Variants in PDE12 observed in about 807,000 individuals in gnomAD.
The protein encoded by PDE12 is phosphodiesterase 12, also known as 2',5'-phosphodiesterase 12.
In PDE12, 26 loss-of-function variants were observed where a neutral mutation model predicts 45.4. That is an observed-to-expected ratio of 0.57 (90% CI 0.42 to 0.79). PDE12 has a LOEUF of 0.79. PDE12 is among the 30% of genes least tolerant of loss of function. The pLI is 0.00. For missense variants in PDE12, 668 were observed against 790.0 expected (o/e 0.85, Z 1.85); for synonymous variants, 283 against 323.9 (o/e 0.87, Z 1.36).
chr3:57,584,540 G>T, the PDE12 span: 2 of 1,295,860 alleles, frequency 1.5e-6, no homozygotes, highest in Non-Finnish European at 2.2e-6. Context: ...TAAATTTATA[G>T]TTCAAAACTA....
At chr3:57,631,492 C>T in the PDE12 span, among the ~76,000 whole-genome samples, 6 of 152,062 alleles carry the variant, frequency 3.9e-5, no homozygotes, top group Non-Finnish European at 8.8e-5. Context: ...CCGCGCCCAA[C>T]AACGCGGTCC....
At chr3:57,619,212 G>A in the PDE12 span, among the ~76,000 whole-genome samples, 1 of 152,172 alleles carries the variant, frequency 6.6e-6, no homozygotes, top group Non-Finnish European at 1.5e-5. Flanking sequence ...GCCGGGTGTG[G>A]TGGCGGGTGC....
chr3:57,624,285 C>T, the PDE12 span, among the ~76,000 whole-genome samples: 127 of 152,016 alleles, frequency 8.4e-4, 1 homozygote, highest in South Asian at 0.025. Flanking sequence ...CCAGTAGCTA[C>T]GAATACAGGC....
the PDE12 span, among the ~76,000 whole-genome samples, chr3:57,636,653 T>C: frequency 6.6e-6 from 1 of 152,104 alleles, no homozygotes; most frequent in East Asian, 1.9e-4. Context: ...AGATAAAAAG[T>C]TGGCCGGGCG....
At chr3:57,613,429 G>A in the PDE12 span, among the ~76,000 whole-genome samples, 119 of 151,460 alleles carry the variant, frequency 7.9e-4, 1 homozygote, top group African/African-American at 2.4e-3. Flanking sequence ...AAGTAGCTGC[G>A]ATTACAAGCG....
chr3:57,561,360 T>TA lies in PDE12; in HGVS notation c.*1362dup. On this transcript the variant is annotated 3_prime_UTR_variant, in exon 3 of 3. Transcript: ENST00000311180. Reference sequence around the variant, plus strand: ...GTGGGACTTTTAAGCATCTCTGAAATAAAAAACTTCTTTTTACAGACAAGC... The same window carrying TA: ...GTGGGACTTTTAAGCATCTCTGAAATAAAAAAACTTCTTTTTACAGACAAGC... 2.0e-6 allele frequency: 2 copies of TA among 984,886 alleles called. No homozygotes were observed. The highest frequency in any genetic ancestry group is 2.4e-6 in the Non-Finnish European group (2 of 829,128). The allele number at this position is 984,886 out of a possible 1,614,324, so 61.0% of individuals were successfully genotyped here. A position where few individuals can be genotyped will look rare whatever the true frequency, so the allele number is the denominator to read the frequency against.
At chr3:57,628,982 G>C in the PDE12 span, 1 of 1,063,328 alleles carries the variant, frequency 9.4e-7, no homozygotes, top group Non-Finnish European at 1.4e-6. Context: ...AAGACAAGAA[G>C]GAAAAGGAGA....
At chr3:57,644,739 G>A in the PDE12 span, among the ~76,000 whole-genome samples, 1 of 8,762 alleles carries the variant, frequency 1.1e-4, no homozygotes, top group Non-Finnish European at 2.1e-4. Context: ...GGGAAGGGAG[G>A]GGAGGGGTGG....
At chr3:57,587,080 A>G in the PDE12 span, among the ~76,000 whole-genome samples, 2 of 152,074 alleles carry the variant, frequency 1.3e-5, no homozygotes, top group African/African-American at 4.8e-5. Flanking sequence ...GTACTTTGGG[A>G]GGCTGAGGTG....
At chr3:57,649,667 T>C in the PDE12 span, among the ~76,000 whole-genome samples, 1 of 147,676 alleles carries the variant, frequency 6.8e-6, no homozygotes, top group African/African-American at 2.5e-5. Context: ...GTTGTATGTG[T>C]GTATATATAT....
At chr3:57,603,348 A>T in the PDE12 span, among the ~76,000 whole-genome samples, 28 of 151,466 alleles carry the variant, frequency 1.8e-4, no homozygotes, top group East Asian at 1.8e-3. Context: ...TTATTTATTT[A>T]TTTTTTTTAA....
the PDE12 span, among the ~76,000 whole-genome samples, chr3:57,606,530 C>T: frequency 5.9e-5 from 9 of 151,944 alleles, no homozygotes; most frequent in South Asian, 4.2e-4. Flanking sequence ...ATCTATCCAA[C>T]GAAATAGCAT....
chr3:57,584,507 C>T, the PDE12 span: 1 of 1,481,792 alleles, frequency 6.7e-7, no homozygotes, highest in Non-Finnish European at 9.4e-7. Flanking sequence ...ACCAAAAGCA[C>T]ACTCCAAGAA....
At chr3:57,583,956 T>C in the PDE12 span, 1 of 1,612,960 alleles carries the variant, frequency 6.2e-7, no homozygotes, top group Non-Finnish European at 8.5e-7. Flanking sequence ...ACCACCAACA[T>C]CCCATACTGT....
the PDE12 span, chr3:57,630,930 A>G: frequency 6.2e-7 from 1 of 1,613,616 alleles, no homozygotes; most frequent in East Asian, 2.2e-5. Context: ...CATACCTTCC[A>G]TGGGGAAATA....
chr3:57,577,896 A>T, the PDE12 span, among the ~76,000 whole-genome samples: 10 of 152,030 alleles, frequency 6.6e-5, no homozygotes, highest in African/African-American at 2.4e-4. Context: ...TCTACAAAAA[A>T]ATACAAAAAT....
the PDE12 span, among the ~76,000 whole-genome samples, chr3:57,636,803 G>T: frequency 6.6e-6 from 1 of 152,058 alleles, no homozygotes; most frequent in African/African-American, 2.4e-5. Context: ...TGGGCATGGT[G>T]GCACACGCCT....
chr3:57,612,918 A>T, the PDE12 span, among the ~76,000 whole-genome samples: 2 of 152,212 alleles, frequency 1.3e-5, no homozygotes, highest in Non-Finnish European at 2.9e-5. Flanking sequence ...TGAAATAAAC[A>T]TACCAATTAA....
At chr3:57,567,813 T>C (rs923863206), downstream of PDE12, among the ~76,000 whole-genome samples, 2 of 152,024 alleles carry the variant, frequency 1.3e-5, no homozygotes, top group East Asian at 1.9e-4. Flanking sequence ...TGAAAAGCAC[T>C]TGGCCGGATG....
Sources: gnomAD v4.1 joint callset for allele counts (sites outside exome capture counted in the v4.1 genomes callset) on GRCh38, gnomAD v4.1.1 for gene constraint, MANE v1.5 for transcripts, NCBI Gene and HGNC (gene_info 2026-07-23, HGNC 2026-07-21) for gene names.